Variants in HSDL2 observed in about 807,000 individuals in gnomAD.
The protein encoded by HSDL2 is hydroxysteroid dehydrogenase like 2.
HSDL2 carries 27 observed loss-of-function variants against 46.3 expected under a neutral mutation model. The ratio of observed to expected loss-of-function variants is 0.58; its 90% CI spans 0.43 to 0.80. The LOEUF is 0.80. Ranked by LOEUF, HSDL2 falls within the 30% of genes least tolerant of loss-of-function variation. The probability of loss-of-function intolerance (pLI) is 0.00; values close to 1 mark genes in which losing one functional copy is unlikely to be tolerated. For missense variants in HSDL2, 451 were observed against 502.7 expected, an observed-to-expected ratio of 0.90 and a Z score of 0.98; for synonymous variants, 153 against 163.6, an observed-to-expected ratio of 0.94 and a Z score of 0.50.
At chr9:112,469,075 G>A (rs527528095) in intron 10 of HSDL2, among the ~76,000 whole-genome samples, 1 of 152,206 alleles carries the variant, frequency 6.6e-6, no homozygotes, top group African/African-American at 2.4e-5. Flanking sequence ...TTATTTGTAA[G>A]TATTGGGATT....
At chr9:112,462,101 C>A (rs886969089) in intron 10 of HSDL2, among the ~76,000 whole-genome samples, 1 of 152,182 alleles carries the variant, frequency 6.6e-6, no homozygotes, top group Non-Finnish European at 1.5e-5. Context: ...GACTTTATAT[C>A]CTAAGAATTC....
At chr9:112,444,258 A>G (rs1832700813) in intron 8 of HSDL2, among the ~76,000 whole-genome samples, 1 of 152,202 alleles carries the variant, frequency 6.6e-6, no homozygotes. Flanking sequence ...AACCATGTGT[A>G]TCCCTTGTTT....
chr9:112,454,018 G>T lies in HSDL2; in HGVS notation c.871G>T (p.Val291Phe). 6.2e-7 allele frequency: 1 copy of T among 1,613,504 alleles called. No homozygotes were observed. The highest frequency in any genetic ancestry group is 8.5e-7 in the Non-Finnish European group (1 of 1,179,738). Reference protein sequence around the residue: ...VSKKVESTGAVPEFKEEKLQL... With the variant: ...VSKKVESTGAFPEFKEEKLQL... ...GCTTCAATAATATCTTATAGGTGCTGTTCCAGAATTCAAAGAAGAGAAACT... is the reference window on the plus strand; with the variant it reads ...GCTTCAATAATATCTTATAGGTGCTTTTCCAGAATTCAAAGAAGAGAAACT... The change falls in exon 9 of 11, where the codon GTT (valine) becomes TTT (phenylalanine). Residue 291 changes from valine (V) to phenylalanine (F), a missense_variant. Val to Phe is a conservative substitution (Grantham distance 50, BLOSUM62 -1). Coordinates refer to ENST00000398805, the MANE Select transcript of HSDL2 (RefSeq NM_032303.5).
intron 1 of HSDL2, among the ~76,000 whole-genome samples, chr9:112,386,972 T>C (rs1272018013): frequency 1.3e-5 from 2 of 152,130 alleles, no homozygotes; most frequent in African/African-American, 4.8e-5. Context: ...GAGAAACTCT[T>C]AAGGTATAAC....
At chr9:112,430,725 A>G (rs1832368942) in intron 6 of HSDL2, among the ~76,000 whole-genome samples, 2 of 152,108 alleles carry the variant, frequency 1.3e-5, no homozygotes, top group Admixed American at 1.3e-4. Context: ...TGCCTTTGGG[A>G]TGTGAGAGAA....
Position 112,408,977 on chromosome 9 carries a change from A to T in HSDL2, c.351A>T (p.Arg117Ser). 3 of 1,609,986 alleles carry T rather than the reference A, an allele frequency of 1.9e-6. No individual in the cohort carries two copies. Among genetic ancestry groups the T allele is most frequent in the Non-Finnish European group, 2.5e-6 (3 of 1,177,356 alleles). The change falls in exon 4 of 11, where the codon AGA (arginine) becomes AGT (serine). Residue 117 changes from arginine to serine, a missense_variant. Physicochemically the swap from Arg to Ser is moderately radical, Grantham distance 110. Transcript: ENST00000398805. ...LTNTLDTPTK[R>S]LDLMMNVNTR... ...ATACATTGGACACACCTACCAAGAGATTGGATCTGATGATGAACGTGAACA... is the reference window on the plus strand; with the variant it reads ...ATACATTGGACACACCTACCAAGAGTTTGGATCTGATGATGAACGTGAACA...
chr9:112,464,225 GACACACAC>G (rs756529908), intron 10 of HSDL2, among the ~76,000 whole-genome samples: 4 of 4,852 alleles, frequency 8.2e-4, no homozygotes, highest in South Asian at 0.014. Context: ...CACACACACA[GACACACAC>G]ACACACACAC....
chr9:112,467,285 C>G (rs912925562), intron 10 of HSDL2, among the ~76,000 whole-genome samples: 1 of 152,062 alleles, frequency 6.6e-6, no homozygotes, highest in African/African-American at 2.4e-5. Context: ...GGACATTATG[C>G]TAAATGAAAA....
chr9:112,456,128 C>G (rs1833015860), intron 9 of HSDL2, among the ~76,000 whole-genome samples: 1 of 152,156 alleles, frequency 6.6e-6, no homozygotes. Flanking sequence ...ACCTTGTCCT[C>G]AATCTGTTCA....
intron 7 of HSDL2, 160 bp downstream of exon 7, chr9:112,438,785 T>TA (rs891972337): frequency 1.7e-3 from 810 of 479,004 alleles, no homozygotes; most frequent in Middle Eastern, 2.7e-3. Flanking sequence ...CAACACAACT[T>TA]AAAAAAAAAG....
intron 9 of HSDL2, among the ~76,000 whole-genome samples, chr9:112,458,919 T>G (rs1833116200): frequency 6.6e-6 from 1 of 151,710 alleles, no homozygotes; most frequent in Non-Finnish European, 1.5e-5. Flanking sequence ...AGGCGGAGCT[T>G]GCAGTGAGCC....
chr9:112,418,460 A>G (rs1246334879), intron 5 of HSDL2, among the ~76,000 whole-genome samples: 1 of 151,232 alleles, frequency 6.6e-6, no homozygotes, highest in East Asian at 1.9e-4. Context: ...GCACACACCC[A>G]TAGTCCCAGC....
chr9:112,385,487 C>T (rs2132589678), intron 1 of HSDL2, among the ~76,000 whole-genome samples: 1 of 98,558 alleles, frequency 1.0e-5, no homozygotes, highest in Non-Finnish European at 2.1e-5. Context: ...CACCACCACA[C>T]CTGGCTAATT....
intron 8 of HSDL2, among the ~76,000 whole-genome samples, chr9:112,448,970 A>G (rs1236924939): frequency 6.7e-6 from 1 of 150,090 alleles, no homozygotes; most frequent in Admixed American, 6.8e-5. Flanking sequence ...TTTTTAAAAA[A>G]TAAAAACCCA....
At chr9:112,420,126 A>G (rs979629771) in intron 6 of HSDL2, among the ~76,000 whole-genome samples, 1 of 152,154 alleles carries the variant, frequency 6.6e-6, no homozygotes, top group Non-Finnish European at 1.5e-5. Context: ...AGATCACTTG[A>G]GGCCAGGAGT....
chr9:112,392,072 G>C (rs1294679863), intron 1 of HSDL2, among the ~76,000 whole-genome samples: 1 of 152,156 alleles, frequency 6.6e-6, no homozygotes, highest in Non-Finnish European at 1.5e-5. Flanking sequence ...GCCTCCAGGG[G>C]TGACATCACA....
At chr9:112,400,397 A>G (rs1391456676) in intron 1 of HSDL2, among the ~76,000 whole-genome samples, 3 of 152,174 alleles carry the variant, frequency 2.0e-5, no homozygotes, top group African/African-American at 7.2e-5. Context: ...TCATGAGGTC[A>G]AGAGATCAAG....
chr9:112,459,588 C>G lies in HSDL2; in HGVS notation c.1144+11C>G. 6.2e-7 allele frequency: 1 copy of G among 1,610,184 alleles called. No homozygotes were observed. Among genetic ancestry groups the G allele is most frequent in the South Asian group, 1.1e-5 (1 of 90,886 alleles). ...TAAAAATGTTTTCAGGTGAGTTTTC[C>G]AGTTTATTAGTTTACCTTATTGTTC... On this transcript the variant is annotated intron_variant, in intron 10 of 10. Coordinates refer to ENST00000398805, the MANE Select transcript of HSDL2 (RefSeq NM_032303.5).
Position 112,438,420 on chromosome 9 carries a change from T to C in HSDL2, c.599-11T>C. ...GTTATGAGTGTATGTGTGTGTGTGT[T>C]TTCTCTACAGCCATACACACTGCTG... is the stretch of plus-strand genomic sequence containing the variant. On this transcript the variant is annotated splice_polypyrimidine_tract_variant and intron_variant, in intron 6 of 10. Transcript: ENST00000398805. 2 of 1,537,616 alleles carry C rather than the reference T, an allele frequency of 1.3e-6. No individual in the cohort carries two copies. The highest frequency in any genetic ancestry group is 8.7e-7 in the Non-Finnish European group (1 of 1,143,104).
Sources: gnomAD v4.1 joint callset for allele counts (sites outside exome capture counted in the v4.1 genomes callset) on GRCh38, gnomAD v4.1.1 for gene constraint, MANE v1.5 for transcripts, NCBI Gene and HGNC (gene_info 2026-07-23, HGNC 2026-07-21) for gene names.